The following CRACR2A variants were observed in gnomAD, a reference collection of about 807,000 sequenced individuals.
CRACR2A encodes calcium release activated channel regulator 2A.
Under a neutral mutation model 90.5 loss-of-function variants are expected in CRACR2A, and 79 were observed. That is an observed-to-expected ratio of 0.87 (90% CI 0.73 to 1.05). The LOEUF (loss-of-function observed/expected upper bound fraction) is 1.05. Ranked by LOEUF, CRACR2A falls within the 50% of genes least tolerant of loss-of-function variation. CRACR2A has a pLI of 0.00. For missense variants in CRACR2A, 823 were observed against 897.2 expected (o/e 0.92, Z 1.06); for synonymous variants, 338 against 356.7 (o/e 0.95, Z 0.59).
chr12:3,695,618 G>T (rs1009800683), intron 4 of CRACR2A, among the ~76,000 whole-genome samples: 1 of 152,208 alleles, frequency 6.6e-6, no homozygotes, highest in African/African-American at 2.4e-5. Flanking sequence ...ATGGGGCTGA[G>T]CCTAATGAGG....
chr12:3,635,537 C>T (rs1591643476), intron 14 of CRACR2A, among the ~76,000 whole-genome samples: 1 of 152,150 alleles, frequency 6.6e-6, no homozygotes, highest in Admixed American at 6.5e-5. Context: ...GACAGGGTCA[C>T]ATTCTGTTGC....
intron 12 of CRACR2A, 40 bp from the exon 13 acceptor site, chr12:3,641,878 G>C: frequency 6.5e-7 from 1 of 1,534,972 alleles, no homozygotes; most frequent in South Asian, 1.2e-5. Context: ...ATGCCTATTT[G>C]CTCCGATGTT....
intron 1 of CRACR2A, among the ~76,000 whole-genome samples, chr12:3,739,863 G>A (rs1168476383): frequency 6.6e-6 from 1 of 151,232 alleles, no homozygotes; most frequent in Non-Finnish European, 1.5e-5. Context: ...GAACCAGGGA[G>A]TTGGAGGTTG....
Position 3,679,136 on chromosome 12 carries a change from T to C in CRACR2A, c.341-38A>G, listed in dbSNP as rs202176768. On this transcript the variant is annotated intron_variant, in intron 5 of 19. Coordinates refer to ENST00000440314, the MANE Select transcript of CRACR2A (RefSeq NM_001144958.2). ...GGGCACAAGGATCCGAATTAGACCA[T>C]ACCCATCCAGGAAGAGCTCAGCTTT... 3.5e-5 allele frequency: 54 copies of C among 1,549,142 alleles called. 1 individual carries two copies. In the Admixed American group the frequency reaches 9.0e-4, roughly 26 times the overall value.
At chr12:3,724,484 C>T (rs538290494) in intron 2 of CRACR2A, among the ~76,000 whole-genome samples, 2 of 152,344 alleles carry the variant, frequency 1.3e-5, no homozygotes, top group South Asian at 4.1e-4. Context: ...TGGTTATTAA[C>T]TAAGCACAGC....
Position 3,627,443 on chromosome 12 carries a change from C to T in CRACR2A, c.1925G>A (p.Ser642Asn). The T allele has an allele frequency of 6.4e-7, 1 of 1,551,826 alleles. No individual in the cohort carries two copies. Among genetic ancestry groups the T allele is most frequent in the Non-Finnish European group, 8.7e-7 (1 of 1,147,012 alleles). Reference protein sequence around the residue: ...SFLSVRRWLSSVEEAVGDRVP... With the variant: ...SFLSVRRWLSNVEEAVGDRVP... ...GGAAGGTCGCCAGCTCACCTCCACG[C>T]TGCTCAGCCACCGCCGGACCGACAG... The change falls in exon 17 of 20, where the codon AGC becomes AAC. Residue 642 changes from serine to asparagine, a missense_variant. Physicochemically the swap from Ser to Asn is conservative, Grantham distance 46. Coordinates refer to ENST00000440314, the MANE Select transcript of CRACR2A (RefSeq NM_001144958.2).
intron 10 of CRACR2A, among the ~76,000 whole-genome samples, chr12:3,649,119 T>C (rs1469373798): frequency 1.3e-5 from 2 of 151,970 alleles, no homozygotes; most frequent in Non-Finnish European, 2.9e-5. Context: ...TTAGGAGATA[T>C]ACCTAATGCT....
At chr12:3,669,917 C>T (rs1052294680) in intron 7 of CRACR2A, among the ~76,000 whole-genome samples, 1 of 152,136 alleles carries the variant, frequency 6.6e-6, no homozygotes, top group Non-Finnish European at 1.5e-5. Context: ...TTTTCTCTGG[C>T]CCTGTGGGAG....
intron 17 of CRACR2A, among the ~76,000 whole-genome samples, chr12:3,625,733 C>T (rs1565461955): frequency 1.3e-5 from 2 of 151,296 alleles, no homozygotes; most frequent in Non-Finnish European, 2.9e-5. Context: ...GACCTGGATC[C>T]GTGACCACTA....
chr12:3,732,718 C>G (rs1333841007), intron 2 of CRACR2A: 2 of 152,232 alleles, frequency 1.3e-5, no homozygotes, highest in Non-Finnish European at 2.9e-5. Context: ...TATTCTGCAG[C>G]AATCAATGAA....
At chr12:3,671,504 G>T (rs1005300647) in intron 7 of CRACR2A, among the ~76,000 whole-genome samples, 4 of 152,132 alleles carry the variant, frequency 2.6e-5, no homozygotes, top group African/African-American at 9.7e-5. Context: ...ACTTCCCAAA[G>T]TTACACACTA....
At chr12:3,750,834 G>A (rs1241142345) in intron 1 of CRACR2A, among the ~76,000 whole-genome samples, 3 of 152,140 alleles carry the variant, frequency 2.0e-5, no homozygotes, top group Non-Finnish European at 4.4e-5. Flanking sequence ...GCAACAAGGA[G>A]CCCCAAGGCA....
intron 18 of CRACR2A, among the ~76,000 whole-genome samples, chr12:3,617,249 T>C (rs1478981862): frequency 1.3e-5 from 2 of 151,688 alleles, no homozygotes; most frequent in African/African-American, 4.8e-5. Flanking sequence ...AGGTGAGCTA[T>C]AACAATTGTA....
intron 7 of CRACR2A, among the ~76,000 whole-genome samples, chr12:3,663,608 C>T (rs903249286): frequency 2.0e-5 from 3 of 152,220 alleles, no homozygotes; most frequent in African/African-American, 7.2e-5. Context: ...AATCCCTTTA[C>T]AATTCCCTTC....
At chr12:3,643,038 TG>T (rs1944602326) in intron 12 of CRACR2A, among the ~76,000 whole-genome samples, 1 of 152,220 alleles carries the variant, frequency 6.6e-6, no homozygotes, top group African/African-American at 2.4e-5. Context: ...AGAATGAGTT[TG>T]GCAGGTAAAG....
intron 1 of CRACR2A, among the ~76,000 whole-genome samples, chr12:3,738,377 A>C (rs1946478017): frequency 6.6e-6 from 1 of 152,228 alleles, no homozygotes; most frequent in Non-Finnish European, 1.5e-5. Context: ...TATTCAAAGA[A>C]ATTAAAGCCA....
chr12:3,648,663 T>C, intron 10 of CRACR2A, 50 bp from the exon 11 acceptor site: 3 of 1,584,082 alleles, frequency 1.9e-6, no homozygotes, highest in Non-Finnish European at 2.6e-6. Flanking sequence ...GGAAGCCGGA[T>C]GCCCGGACCC....
chr12:3,712,019 C>A (rs1946012419), intron 3 of CRACR2A, among the ~76,000 whole-genome samples: 2 of 152,082 alleles, frequency 1.3e-5, no homozygotes, highest in African/African-American at 2.4e-5. Context: ...CAGAGATAAC[C>A]CCACTTGGTA....
chr12:3,689,492 A>G (rs959958169), intron 4 of CRACR2A, among the ~76,000 whole-genome samples: 10 of 152,304 alleles, frequency 6.6e-5, no homozygotes, highest in African/African-American at 2.2e-4. Flanking sequence ...GATGAATTAC[A>G]TTTATTGATT....
Sources: allele counts gnomAD v4.1 joint callset (sites outside exome capture counted in the v4.1 genomes callset), GRCh38; gene constraint gnomAD v4.1.1; transcripts MANE v1.5; gene names NCBI Gene and HGNC (gene_info 2026-07-23, HGNC 2026-07-21).